The following LRRK1 variants were observed in gnomAD, a reference collection of about 807,000 sequenced individuals.
The protein encoded by LRRK1 is leucine-rich repeat serine/threonine-protein kinase 1.
In LRRK1, 113 loss-of-function variants were observed where a neutral mutation model predicts 209.1. The ratio of observed to expected loss-of-function variants is 0.54; its 90% confidence interval spans 0.46 to 0.63. The LOEUF is 0.63. Ranked by LOEUF, LRRK1 falls within the 30% of genes least tolerant of loss-of-function variation. The pLI, the probability that LRRK1 is intolerant of heterozygous loss-of-function variation, is 0.00. For synonymous variants in LRRK1, 1,144 were observed against 1,099.7 expected, an observed-to-expected ratio of 1.04 and a Z score of -0.80; for missense variants, 2,284 against 2,632.2, an observed-to-expected ratio of 0.87 and a Z score of 2.89.
Position 101,021,929 on chromosome 15 carries a change from C to A in LRRK1, c.1824C>A (p.Ser608Arg). ...WQLDTEDLTISNVPAEIQKEG... is the reference protein window; with the variant it reads ...WQLDTEDLTIRNVPAEIQKEG... Reference sequence around the variant, plus strand: ...TGGACACTGAAGACCTGACCATCAGCAATGTGCCTGCAGAAATCCAAAAAG... The same window carrying A: ...TGGACACTGAAGACCTGACCATCAGAAATGTGCCTGCAGAAATCCAAAAAG... The change falls in exon 14 of 34, where the codon AGC becomes AGA. Residue 608 changes from serine (S) to arginine (R), a missense_variant. Ser to Arg is a moderately radical substitution (Grantham distance 110, BLOSUM62 -1). Transcript: ENST00000388948. 1.9e-6 allele frequency: 3 copies of A among 1,613,918 alleles called. No individual in the cohort carries two copies. Among genetic ancestry groups the A allele is most frequent in the Non-Finnish European group, 2.5e-6 (3 of 1,179,884 alleles).
intron 2 of LRRK1, among the ~76,000 whole-genome samples, chr15:100,967,433 A>G (rs1241127201): frequency 6.6e-6 from 1 of 152,212 alleles, no homozygotes; most frequent in South Asian, 2.1e-4. Context: ...TGCCTTTGAA[A>G]TGGAGCAAGT....
intron 6 of LRRK1, among the ~76,000 whole-genome samples, chr15:100,995,193 G>A (rs980280502): frequency 2.6e-5 from 4 of 152,122 alleles, no homozygotes; most frequent in African/African-American, 9.7e-5. Flanking sequence ...TTTTTGTGTG[G>A]TTGAGCTCTG....
At chr15:100,978,591 G>A (rs72765064) in intron 3 of LRRK1, among the ~76,000 whole-genome samples, 4 of 152,258 alleles carry the variant, frequency 2.6e-5, no homozygotes, top group Non-Finnish European at 4.4e-5. Context: ...AGATCCTGCA[G>A]ATATCAAAAA....
intron 12 of LRRK1, among the ~76,000 whole-genome samples, chr15:101,020,730 T>G (rs1421193633): frequency 1.3e-5 from 2 of 152,284 alleles, no homozygotes; most frequent in East Asian, 3.9e-4. Context: ...CCCCCATATA[T>G]GTAGACCTGC....
intron 2 of LRRK1, among the ~76,000 whole-genome samples, chr15:100,962,187 C>T (rs114313854): frequency 0.027 from 4,032 of 152,056 alleles, 192 homozygotes; most frequent in African/African-American, 0.093. Context: ...AGCAGCAATA[C>T]AAGTTACTGC....
At chr15:100,945,478 G>A (rs943133150) in intron 2 of LRRK1, among the ~76,000 whole-genome samples, 1 of 135,470 alleles carries the variant, frequency 7.4e-6, no homozygotes, top group African/African-American at 2.7e-5. Context: ...TCTCTGCAGA[G>A]CCTCTTTTTT....
At position 100,998,352 on chromosome 15, in the gene LRRK1, C is replaced by A. The variant is rs1308677165; in HGVS notation, c.762+8954C>A. 4.6e-5 allele frequency among the ~76,000 whole-genome samples: 7 copies of A among 152,274 alleles called. No individual in the cohort carries two copies. The East Asian group carries it at 1.3e-3, about 29-fold the overall frequency. On this transcript the variant is annotated intron_variant, in intron 6 of 33. Coordinates refer to ENST00000388948, the MANE Select transcript of LRRK1 (RefSeq NM_024652.6). Reference sequence around the variant, plus strand: ...CCTCGACCCAGGACACCCTGCAGATCCCCACACAATATCCTCAGGAAAGCC... The same window carrying A: ...CCTCGACCCAGGACACCCTGCAGATACCCACACAATATCCTCAGGAAAGCC...
In LRRK1 at chr15:100,974,252, C is replaced by G. The variant is rs1396929164; in HGVS notation, c.261+285C>G. 11 of 330,830 alleles carry G rather than the reference C, an allele frequency of 3.3e-5. No homozygotes were observed. In the Admixed American group the frequency reaches 3.9e-4, roughly 12 times the overall value. 20.5% of individuals were successfully genotyped at this position (330,830 alleles called of 1,614,324 possible). On this transcript the variant is annotated intron_variant, in intron 3 of 33. Coordinates refer to ENST00000388948, the MANE Select transcript of LRRK1 (RefSeq NM_024652.6). ...AACAAAATGCCACCCAGAGGCTTAA[C>G]CTACTCTATTCTTTTACGTTTTTGT...
chr15:100,923,077 T>C (rs1201422107), intron 1 of LRRK1, among the ~76,000 whole-genome samples: 4 of 152,328 alleles, frequency 2.6e-5, no homozygotes, highest in East Asian at 1.9e-4. Flanking sequence ...TCTGATCTTA[T>C]TAATTAGCAG....
rs2031718367 is a variant in LRRK1, at chr15:100,983,600, G to A, written c.334G>A (p.Val112Met). 1.2e-6 allele frequency: 2 copies of A among 1,612,462 alleles called. No individual in the cohort carries two copies. The highest frequency in any genetic ancestry group is 1.7e-6 in the Non-Finnish European group (2 of 1,178,862). ...MVRYLLSKRL[V>M]ELPTEPTDDN... Reference sequence around the variant, plus strand: ...CCGCTACCTACTCAGCAAGAGACTGGTGGAGCTGCCCACCGAGCCCACGGA... The same window carrying A: ...CCGCTACCTACTCAGCAAGAGACTGATGGAGCTGCCCACCGAGCCCACGGA... The change falls in exon 4 of 34, where the codon GTG becomes ATG. Residue 112 changes from valine (V) to methionine (M), a missense_variant. Physicochemically the swap from Val to Met is conservative, Grantham distance 21 (BLOSUM62 1). Transcript: ENST00000388948.
intron 2 of LRRK1, among the ~76,000 whole-genome samples, chr15:100,953,189 T>G (rs912444579): frequency 6.6e-6 from 1 of 152,196 alleles, no homozygotes; most frequent in Non-Finnish European, 1.5e-5. Context: ...CAATTCAGTA[T>G]TATTAACTAT....
chr15:100,988,569 A>C, intron 4 of LRRK1, 65 bp from the exon 5 acceptor site: 2 of 1,487,636 alleles, frequency 1.3e-6, no homozygotes, highest in Non-Finnish European at 1.9e-6. Context: ...CTAAGGGAAG[A>C]GCAGAGTGGG....
At chr15:100,974,246 G>A in intron 3 of LRRK1, 1 of 339,144 alleles carries the variant, frequency 2.9e-6, no homozygotes, top group African/African-American at 2.1e-5. Context: ...CCACCCAGAG[G>A]CTTAACCTAC....
chr15:101,076,192 G>A lies in LRRK1; in HGVS notation c.*7344G>A, dbSNP rs1033134547. 41 of 152,232 alleles carry A rather than the reference G, an allele frequency of 2.7e-4. No individual in the cohort carries two copies. Among genetic ancestry groups the A allele is most frequent in the East Asian group, 2.3e-3 (12 of 5,168 alleles). 9.4% of individuals were successfully genotyped at this position (152,232 alleles called of 1,614,324 possible). ...CCTAGCCCTCATGTCTCTGTGCAGC[G>A]GCTGCTGCCACCCTAATACTTTTAG... On this transcript the variant is annotated 3_prime_UTR_variant, in exon 34 of 34. Transcript: ENST00000388948.
intron 32 of LRRK1, 75 bp downstream of exon 32, chr15:101,066,280 C>CCAGGGGGCTT: frequency 6.7e-7 from 1 of 1,503,492 alleles, no homozygotes; most frequent in Non-Finnish European, 8.9e-7. Flanking sequence ...CAAGGGGAAG[C>CCAGGGGGCTT]CCCCTGGCTT....
Position 100,937,429 on chromosome 15 carries a change from A to T in LRRK1, c.97+12700A>T, listed in dbSNP as rs2042320635. Among the ~76,000 whole-genome samples, 2 of 152,096 alleles carry T rather than the reference A, an allele frequency of 1.3e-5. 1 individual carries two copies. Among genetic ancestry groups the T allele is most frequent in the South Asian group, 4.1e-4 (2 of 4,836 alleles). ...TTTTTAGGCCTGGACTCAAAATGGC[A>T]CATTTTTCTCTTTTCATAAGTCTTT... On this transcript the variant is annotated intron_variant, in intron 2 of 33. Coordinates refer to ENST00000388948, the MANE Select transcript of LRRK1 (RefSeq NM_024652.6).
chr15:100,940,547 C>T (rs1172923151), intron 2 of LRRK1, among the ~76,000 whole-genome samples: 1 of 152,212 alleles, frequency 6.6e-6, no homozygotes, highest in African/African-American at 2.4e-5. Flanking sequence ...CTGCAGCTCA[C>T]CCACTGTGCT....
intron 12 of LRRK1, among the ~76,000 whole-genome samples, chr15:101,017,560 C>T (rs577425267): frequency 5.9e-5 from 9 of 152,126 alleles, no homozygotes; most frequent in African/African-American, 1.9e-4. Context: ...GTCAGATCAG[C>T]GGCAGCATTG....
rs1306383563 is a variant in LRRK1 at position 100,952,904 on chromosome 15, C to A, written c.98-20900C>A. 2.0e-5 allele frequency among the ~76,000 whole-genome samples: 3 copies of A among 152,148 alleles called. No homozygotes were observed. In the South Asian group the frequency reaches 6.2e-4, roughly 32 times the overall value. ...AAGATCTTTTAACAGAATCTATTGACCAAAATTAACTCTAGGGCCACTCAT... is the reference window on the plus strand; with the variant it reads ...AAGATCTTTTAACAGAATCTATTGAACAAAATTAACTCTAGGGCCACTCAT... On this transcript the variant is annotated intron_variant, in intron 2 of 33. Transcript: ENST00000388948.
Sources: gnomAD v4.1 joint callset for allele counts (sites outside exome capture counted in the v4.1 genomes callset) on GRCh38, gnomAD v4.1.1 for gene constraint, MANE v1.5 for transcripts, NCBI Gene and HGNC (gene_info 2026-07-23, HGNC 2026-07-21) for gene names.